The following ITGA9 variants were observed in gnomAD, a reference collection of about 807,000 sequenced individuals.
ITGA9 encodes integrin alpha-9.
Under a neutral mutation model 127.8 loss-of-function variants are expected in ITGA9, and 56 were observed. The observed-to-expected ratio is 0.44, with a 90% CI of 0.35 to 0.55. ITGA9 has a LOEUF of 0.55. Among genes scored for constraint, ITGA9 ranks in the 20% least tolerant of loss-of-function variants. The pLI is 0.00. For synonymous variants in ITGA9, 508 were observed against 514.5 expected, an observed-to-expected ratio of 0.99 and a Z score of 0.17; for missense variants, 1,196 against 1,347.1, an observed-to-expected ratio of 0.89 and a Z score of 1.76.
intron 27 of ITGA9, among the ~76,000 whole-genome samples, chr3:37,816,018 G>A (rs1326221987): frequency 6.6e-6 from 1 of 152,168 alleles, no homozygotes; most frequent in Admixed American, 6.5e-5. Flanking sequence ...GCCCCTTGGG[G>A]ACTGTGTAAC....
chr3:37,518,468 C>T (rs903367397), intron 10 of ITGA9, among the ~76,000 whole-genome samples: 7 of 152,142 alleles, frequency 4.6e-5, no homozygotes, highest in African/African-American at 1.7e-4. Context: ...CTAGGAGTTG[C>T]CAGTTTGTGA....
chr3:37,699,485 G>A (rs773192013), intron 18 of ITGA9, among the ~76,000 whole-genome samples: 21 of 152,024 alleles, frequency 1.4e-4, no homozygotes, highest in Non-Finnish European at 2.4e-4. Context: ...TCATAATCCA[G>A]CCAGTTCTCA....
At chr3:37,512,886 T>C (rs752931943) in intron 8 of ITGA9, among the ~76,000 whole-genome samples, 2 of 152,194 alleles carry the variant, frequency 1.3e-5, no homozygotes, top group African/African-American at 4.8e-5. Flanking sequence ...ATGCCTGTTA[T>C]ATCACCTGCC....
chr3:37,665,963 C>T (rs1700582243), intron 17 of ITGA9, among the ~76,000 whole-genome samples: 1 of 152,184 alleles, frequency 6.6e-6, no homozygotes, highest in African/African-American at 2.4e-5. Flanking sequence ...GAGAGCCCAG[C>T]TTCTGTTCAC....
intron 17 of ITGA9, among the ~76,000 whole-genome samples, chr3:37,669,223 A>T (rs10780024): frequency 0.57 from 86,289 of 152,188 alleles, 24,872 homozygotes; most frequent in African/African-American, 0.67. Context: ...TGCTGGCTGC[A>T]AGCTGCTCAC....
intron 1 of ITGA9, among the ~76,000 whole-genome samples, chr3:37,464,193 AT>A (rs1363700440): frequency 6.7e-6 from 1 of 149,048 alleles, no homozygotes; most frequent in Non-Finnish European, 1.5e-5. Context: ...GTTTTTGCAG[AT>A]TTTTTTGTGC....
intron 15 of ITGA9, among the ~76,000 whole-genome samples, chr3:37,595,971 C>T (rs1210792786): frequency 2.0e-5 from 3 of 152,168 alleles, no homozygotes; most frequent in Admixed American, 1.3e-4. Context: ...TCAGGTCAGT[C>T]AAGCATTTAC....
At chr3:37,494,086 A>G (rs174829) in intron 4 of ITGA9, among the ~76,000 whole-genome samples, 93,127 of 151,902 alleles carry the variant, frequency 0.61, 28,902 homozygotes, top group East Asian at 0.83. Context: ...TTTAGGGAAG[A>G]TTGGTCTTCT....
At chr3:37,801,408 T>G (rs1575244385) in intron 26 of ITGA9, among the ~76,000 whole-genome samples, 1 of 152,234 alleles carries the variant, frequency 6.6e-6, no homozygotes, top group East Asian at 1.9e-4. Flanking sequence ...ATGTGAAAAT[T>G]CAGCGAGCTA....
intron 15 of ITGA9, among the ~76,000 whole-genome samples, chr3:37,567,131 A>C (rs1699554957): frequency 6.6e-6 from 1 of 152,248 alleles, no homozygotes; most frequent in Non-Finnish European, 1.5e-5. Context: ...CAAGAGGTTT[A>C]ATGAACGCAC....
At chr3:37,598,824 A>G (rs1442258958) in intron 15 of ITGA9, among the ~76,000 whole-genome samples, 2 of 152,172 alleles carry the variant, frequency 1.3e-5, no homozygotes, top group Non-Finnish European at 2.9e-5. Flanking sequence ...CCCACCAGGA[A>G]TCTCCCCACT....
chr3:37,556,764 C>G (rs1264645400), intron 15 of ITGA9, among the ~76,000 whole-genome samples: 3 of 152,222 alleles, frequency 2.0e-5, no homozygotes, highest in Non-Finnish European at 4.4e-5. Context: ...GCAGTTGATG[C>G]AGGTATCAGA....
intron 18 of ITGA9, among the ~76,000 whole-genome samples, chr3:37,706,597 C>T (rs1426539334): frequency 6.6e-6 from 1 of 152,174 alleles, no homozygotes; most frequent in African/African-American, 2.4e-5. Flanking sequence ...CGCCCCAGCT[C>T]CAATCCCAGG....
chr3:37,705,745 A>AT (rs1700997410), intron 18 of ITGA9, among the ~76,000 whole-genome samples: 1 of 152,134 alleles, frequency 6.6e-6, no homozygotes, highest in Non-Finnish European at 1.5e-5. Flanking sequence ...CAACCATTTT[A>AT]TTTTTCTTGT....
chr3:37,670,107 A>T (rs1018478624), intron 17 of ITGA9, among the ~76,000 whole-genome samples: 4 of 147,264 alleles, frequency 2.7e-5, no homozygotes, highest in Non-Finnish European at 4.4e-5. Flanking sequence ...TACAAATGTT[A>T]AAACTTTTTT....
intron 16 of ITGA9, among the ~76,000 whole-genome samples, chr3:37,647,420 T>C (rs1465347710): frequency 1.3e-5 from 2 of 151,950 alleles, no homozygotes; most frequent in Non-Finnish European, 2.9e-5. Flanking sequence ...GCTACTATGG[T>C]CAAGCAAATG....
At chr3:37,727,390 G>A (rs1245456932) in intron 18 of ITGA9, among the ~76,000 whole-genome samples, 5 of 152,202 alleles carry the variant, frequency 3.3e-5, no homozygotes, top group African/African-American at 1.2e-4. Context: ...GGCCAGTTAT[G>A]TGAATCCTCT....
chr3:37,746,164 G>A (rs970804232), intron 22 of ITGA9, among the ~76,000 whole-genome samples: 1 of 152,204 alleles, frequency 6.6e-6, no homozygotes, highest in Non-Finnish European at 1.5e-5. Context: ...CAGGAATACG[G>A]AGAAAATGTT....
At chr3:37,616,880 C>A (rs1180510384) in intron 15 of ITGA9, among the ~76,000 whole-genome samples, 1 of 152,214 alleles carries the variant, frequency 6.6e-6, no homozygotes, top group African/African-American at 2.4e-5. Flanking sequence ...GATGGGTCTG[C>A]TGAATACAGC....
Sources: gnomAD v4.1 joint callset for allele counts (sites outside exome capture counted in the v4.1 genomes callset) on GRCh38, gnomAD v4.1.1 for gene constraint, MANE v1.5 for transcripts, NCBI Gene and HGNC (gene_info 2026-07-23, HGNC 2026-07-21) for gene names.